SDK1: variants seen among roughly 807,000 people sequenced by gnomAD.
The protein encoded by SDK1 is sidekick cell adhesion molecule 1.
Under a neutral mutation model 245.5 loss-of-function variants are expected in SDK1, and 157 were observed. That is an observed-to-expected ratio of 0.64 (90% confidence interval 0.56 to 0.73). The LOEUF (loss-of-function observed/expected upper bound fraction) is 0.73. Among genes scored for constraint, SDK1 ranks in the 30% least tolerant of loss-of-function variants. The pLI, the probability that SDK1 is intolerant of heterozygous loss-of-function variation, is 0.00. For synonymous variants in SDK1, 1,647 were observed against 1,278.5 expected (o/e 1.29, Z -6.15); for missense variants, 3,583 against 3,002.3 (o/e 1.19, Z -4.52).
At chr7:3,627,189 C>T (rs1025600391) in intron 2 of SDK1, among the ~76,000 whole-genome samples, 1 of 152,096 alleles carries the variant, frequency 6.6e-6, no homozygotes, top group Non-Finnish European at 1.5e-5. Context: ...TTGTCCTCCC[C>T]AAGTGCTGAG....
intron 1 of SDK1, among the ~76,000 whole-genome samples, chr7:3,310,404 AAGT>A (rs1362853937): frequency 2.0e-5 from 3 of 152,226 alleles, no homozygotes; most frequent in Non-Finnish European, 4.4e-5. Flanking sequence ...AGGTGAGAGA[AAGT>A]AGCAGCTTGG....
In SDK1 at chr7:3,695,128, T is replaced by G. The variant is rs1346844177; in HGVS notation, c.713+53023T>G. The stretch of plus-strand genomic sequence containing the variant: ...TACTACATAAGTCACTCTTTCTTAA[T>G]TGCTAAAAATATTTATCAGTACCTG... On this transcript the variant is annotated intron_variant, in intron 4 of 44. Transcript: ENST00000404826. Among the ~76,000 whole-genome samples the G allele has an allele frequency of 3.3e-5, 5 of 152,322 alleles. No homozygotes were observed. The South Asian group carries it at 1.0e-3, about 32-fold the overall frequency.
rs556189965 is a variant in SDK1 at position 4,055,286 on chromosome 7, T to C, written c.2911+3456T>C. 7.9e-5 allele frequency among the ~76,000 whole-genome samples: 12 copies of C among 152,324 alleles called. No individual in the cohort carries two copies. In the Middle Eastern group the frequency reaches 0.017, roughly 216 times the overall value. ...CAATTTATAAATGGTTTTAGGACTA[T>C]CCAGGTTGTCTGTTTCATCTTGGCT... On this transcript the variant is annotated intron_variant, in intron 19 of 44. Transcript: ENST00000404826.
At position 4,228,918 on chromosome 7, in the gene SDK1, C is replaced by G. The variant is rs1030942322; in HGVS notation, c.5828-4337C>G. Among the ~76,000 whole-genome samples the G allele has an allele frequency of 2.0e-5, 3 of 152,146 alleles. No homozygotes were observed. The South Asian group carries it at 6.2e-4, about 32-fold the overall frequency. On this transcript the variant is annotated intron_variant, in intron 40 of 44. Transcript: ENST00000404826. Reference sequence around the variant, plus strand: ...TGGCTCTTCCGGACATCCCAGAGAGCTGACCCTAGCCTGGGTGATTGACAA... The same window carrying G: ...TGGCTCTTCCGGACATCCCAGAGAGGTGACCCTAGCCTGGGTGATTGACAA...
intron 5 of SDK1, among the ~76,000 whole-genome samples, chr7:3,833,366 C>T (rs1008329714): frequency 1.3e-5 from 2 of 152,160 alleles, no homozygotes; most frequent in African/African-American, 2.4e-5. Context: ...CCTTCTCTTT[C>T]TCCAACAGGA....
chr7:3,369,834 G>A (rs1207669711), intron 1 of SDK1, among the ~76,000 whole-genome samples: 1 of 152,162 alleles, frequency 6.6e-6, no homozygotes, highest in Admixed American at 6.5e-5. Flanking sequence ...GAGTAAATAT[G>A]CGCATTTATG....
At chr7:4,047,644 A>G (rs1298767727) in intron 17 of SDK1, among the ~76,000 whole-genome samples, 2 of 152,204 alleles carry the variant, frequency 1.3e-5, no homozygotes, top group Non-Finnish European at 2.9e-5. Flanking sequence ...GCCTTCGGCC[A>G]TTCATTGAGG....
At chr7:3,786,814 C>A (rs961470599) in intron 4 of SDK1, among the ~76,000 whole-genome samples, 4 of 152,028 alleles carry the variant, frequency 2.6e-5, no homozygotes, top group African/African-American at 2.4e-5. Context: ...AGGAATACAC[C>A]TCGGTAGTAC....
intron 17 of SDK1, among the ~76,000 whole-genome samples, chr7:4,043,797 G>A (rs187379407): frequency 7.6e-4 from 115 of 151,792 alleles, no homozygotes; most frequent in Non-Finnish European, 1.5e-3. Context: ...TGGTATTCTG[G>A]CATTCCTGAG....
intron 4 of SDK1, among the ~76,000 whole-genome samples, chr7:3,706,700 C>A (rs1369310419): frequency 6.6e-6 from 1 of 152,142 alleles, no homozygotes; most frequent in Non-Finnish European, 1.5e-5. Flanking sequence ...CTGTGCTCGG[C>A]CAGCAACTTT....
intron 2 of SDK1, among the ~76,000 whole-genome samples, chr7:3,633,254 A>G (rs1161227245): frequency 6.6e-6 from 1 of 152,160 alleles, no homozygotes; most frequent in African/African-American, 2.4e-5. Flanking sequence ...TCCCCCCACC[A>G]CTGAAAGAGA....
intron 4 of SDK1, among the ~76,000 whole-genome samples, chr7:3,722,242 C>T (rs781420831): frequency 2.0e-5 from 3 of 152,034 alleles, no homozygotes; most frequent in African/African-American, 4.8e-5. Context: ...GTAGACTGTA[C>T]AGAAGAAGGG....
intron 4 of SDK1, among the ~76,000 whole-genome samples, chr7:3,666,394 G>A (rs1399769596): frequency 6.6e-6 from 1 of 152,150 alleles, no homozygotes; most frequent in Non-Finnish European, 1.5e-5. Context: ...TCACCATGCT[G>A]GATTTTACTT....
chr7:3,879,754 C>T (rs1036742392), intron 5 of SDK1, among the ~76,000 whole-genome samples: 1 of 152,102 alleles, frequency 6.6e-6, no homozygotes, highest in Non-Finnish European at 1.5e-5. Context: ...GAAGTACTTC[C>T]CCTGCTTGTA....
intron 1 of SDK1, among the ~76,000 whole-genome samples, chr7:3,445,671 A>T (rs1400361090): frequency 6.6e-6 from 1 of 152,174 alleles, no homozygotes; most frequent in Non-Finnish European, 1.5e-5. Context: ...ATGTCATTTT[A>T]TGAACCTTCC....
intron 13 of SDK1, among the ~76,000 whole-genome samples, chr7:3,979,418 A>G (rs1413278340): frequency 2.0e-5 from 3 of 152,046 alleles, no homozygotes; most frequent in Admixed American, 2.0e-4. Flanking sequence ...ACATTCTATG[A>G]CCTTCTGACA....
chr7:4,169,231 G>A (rs954796448), intron 32 of SDK1, among the ~76,000 whole-genome samples: 3 of 152,208 alleles, frequency 2.0e-5, no homozygotes, highest in African/African-American at 7.2e-5. Context: ...CCATGGCTCC[G>A]GTGGATTGGA....
intron 30 of SDK1, among the ~76,000 whole-genome samples, chr7:4,155,838 C>A (rs574525332): frequency 2.0e-5 from 3 of 152,132 alleles, no homozygotes; most frequent in Non-Finnish European, 4.4e-5. Flanking sequence ...CCGACTCGGT[C>A]CCTGTCCTTG....
intron 5 of SDK1, among the ~76,000 whole-genome samples, chr7:3,942,799 C>G (rs927746263): frequency 1.3e-4 from 20 of 152,198 alleles, no homozygotes; most frequent in African/African-American, 4.8e-4. Context: ...ATTTGTGGCA[C>G]TTGTACTACG....
Sources: allele counts gnomAD v4.1 joint callset (sites outside exome capture counted in the v4.1 genomes callset), GRCh38; gene constraint gnomAD v4.1.1; transcripts MANE v1.5; gene names NCBI Gene and HGNC (gene_info 2026-07-23, HGNC 2026-07-21).